ADGRL3: variants seen among roughly 807,000 people sequenced by gnomAD.
ADGRL3 encodes calcium-independent alpha-latrotoxin receptor 3.
A neutral mutation model predicts 153.5 loss-of-function variants in ADGRL3; 62 were observed. That is an observed-to-expected ratio of 0.40 (90% CI 0.33 to 0.50). The LOEUF (loss-of-function observed/expected upper bound fraction) is 0.50, where lower values mean the gene tolerates loss of function less well. ADGRL3 is among the 20% of genes least tolerant of loss of function. The pLI, the probability that ADGRL3 is intolerant of heterozygous loss-of-function variation, is 0.47. For synonymous variants in ADGRL3, 710 were observed against 672.5 expected (o/e 1.06, Z -0.86); for missense variants, 1,641 against 1,859.4 (o/e 0.88, Z 2.16).
intron 8 of ADGRL3, among the ~76,000 whole-genome samples, chr4:61,740,078 G>A (rs2096565146): frequency 6.6e-6 from 1 of 152,156 alleles, no homozygotes; most frequent in Non-Finnish European, 1.5e-5. Context: ...ATGATTTTAA[G>A]CATTAGCACT....
intron 1 of ADGRL3, among the ~76,000 whole-genome samples, chr4:61,248,699 T>C (rs1226741911): frequency 6.6e-6 from 1 of 152,150 alleles, no homozygotes; most frequent in Non-Finnish European, 1.5e-5. Context: ...ATCTAATCAA[T>C]TTCAAAGTGA....
intron 5 of ADGRL3, among the ~76,000 whole-genome samples, chr4:61,668,488 C>T (rs1295950153): frequency 3.3e-5 from 5 of 152,160 alleles, no homozygotes; most frequent in Admixed American, 3.3e-4. Flanking sequence ...CTAGGTTCCA[C>T]ACTATTCCTT....
At chr4:61,673,656 C>T (rs905665102) in intron 5 of ADGRL3, among the ~76,000 whole-genome samples, 2 of 151,060 alleles carry the variant, frequency 1.3e-5, no homozygotes, top group African/African-American at 4.8e-5. Context: ...AAAAAGAAAG[C>T]GAAGTAAAGG....
At chr4:61,891,444 C>T (rs1239452105) in intron 9 of ADGRL3, among the ~76,000 whole-genome samples, 2 of 152,130 alleles carry the variant, frequency 1.3e-5, no homozygotes, top group East Asian at 3.9e-4. Flanking sequence ...GCAAAAGACA[C>T]ATAATAGACA....
At chr4:61,792,514 C>T (rs78191105) in intron 8 of ADGRL3, among the ~76,000 whole-genome samples, 3 of 147,070 alleles carry the variant, frequency 2.0e-5, no homozygotes, top group East Asian at 2.0e-4. Flanking sequence ...TTTTTGAGAC[C>T]GAGTCTCACT....
rs924697738 is a variant in ADGRL3, at chr4:61,983,314, G to T, written c.3016-69G>T. 25 of 1,158,450 alleles carry T rather than the reference G, an allele frequency of 2.2e-5. No individual in the cohort carries two copies. In the East Asian group the frequency reaches 4.9e-4, roughly 23 times the overall value. The allele number at this position is 1,158,450 out of a possible 1,614,324, so 71.8% of individuals were successfully genotyped here. On this transcript the variant is annotated intron_variant, in intron 18 of 26. Coordinates refer to ENST00000683033, the MANE Select transcript of ADGRL3 (RefSeq NM_001387552.1). Reference sequence around the variant, plus strand: ...TGCAGTTTTGGTAAATATTTAATTTGGTTTTATGGCAGTTGACTAGTATCC... The same window carrying T: ...TGCAGTTTTGGTAAATATTTAATTTTGTTTTATGGCAGTTGACTAGTATCC...
chr4:62,028,176 C>G (rs527826889), intron 21 of ADGRL3, among the ~76,000 whole-genome samples: 1 of 151,890 alleles, frequency 6.6e-6, no homozygotes, highest in African/African-American at 2.4e-5. Flanking sequence ...CTTATCTTCA[C>G]TAATTGAGTA....
intron 8 of ADGRL3, among the ~76,000 whole-genome samples, chr4:61,764,432 CA>C: frequency 7.8e-6 from 1 of 127,804 alleles, no homozygotes. Context: ...GCAAGGTGCT[CA>C]GTGGGCAGGA....
chr4:61,574,056 C>G (rs796902799), intron 4 of ADGRL3, among the ~76,000 whole-genome samples: 1 of 152,016 alleles, frequency 6.6e-6, no homozygotes, highest in African/African-American at 2.4e-5. Context: ...CATTCTCAAA[C>G]CAAAAGGCCT....
chr4:61,717,119 T>A (rs1397440521), intron 6 of ADGRL3, among the ~76,000 whole-genome samples: 2 of 151,982 alleles, frequency 1.3e-5, no homozygotes, highest in East Asian at 3.9e-4. Context: ...AACCTAAAAC[T>A]TTACCTCCAC....
chr4:61,583,683 G>A (rs759783429), intron 4 of ADGRL3: 2 of 518,574 alleles, frequency 3.9e-6, no homozygotes, highest in Non-Finnish European at 7.7e-6. Context: ...CCTTCAGTCA[G>A]TCCTGTGGTC....
At chr4:61,935,768 A>G (rs1408091676) in intron 14 of ADGRL3, among the ~76,000 whole-genome samples, 155 bp from the exon 15 acceptor site, 3 of 152,184 alleles carry the variant, frequency 2.0e-5, no homozygotes, top group Admixed American at 6.5e-5. Context: ...TTGATAAAAT[A>G]CTAACAATAT....
intron 13 of ADGRL3, among the ~76,000 whole-genome samples, chr4:61,916,119 T>C (rs1458814951): frequency 6.6e-6 from 1 of 152,164 alleles, no homozygotes; most frequent in Non-Finnish European, 1.5e-5. Flanking sequence ...TAACTATCAG[T>C]TGTCAACTAT....
chr4:61,467,331 T>C (rs1230057480), intron 2 of ADGRL3, among the ~76,000 whole-genome samples: 1 of 152,160 alleles, frequency 6.6e-6, no homozygotes, highest in East Asian at 1.9e-4. Flanking sequence ...ATTCACGTTC[T>C]ATTCTTGGAA....
intron 17 of ADGRL3, among the ~76,000 whole-genome samples, chr4:61,970,473 G>A (rs1028767956): frequency 6.6e-6 from 1 of 151,946 alleles, no homozygotes; most frequent in African/African-American, 2.4e-5. Flanking sequence ...GTTTAGTTTG[G>A]CTTTTTTTTC....
chr4:61,380,334 A>G (rs1412655883), intron 1 of ADGRL3, among the ~76,000 whole-genome samples: 1 of 151,984 alleles, frequency 6.6e-6, no homozygotes, highest in Admixed American at 6.6e-5. Context: ...CATACCAACT[A>G]GAGCAGTGCC....
At position 61,381,229 on chromosome 4, in the gene ADGRL3, G is replaced by A. The variant is rs80211003; in HGVS notation, c.-239-1895G>A. ...AAGAAATTGAAAGACACATATAATA[G>A]TGTACTTTTGTTTTTGGTCTCAATT... On this transcript the variant is annotated intron_variant, in intron 1 of 26. Transcript: ENST00000683033. Among the ~76,000 whole-genome samples, 829 of 151,470 alleles carry A rather than the reference G, an allele frequency of 5.5e-3. 8 individuals carry two copies. Among genetic ancestry groups the A allele is most frequent in the African/African-American group, 0.018 (753 of 41,306 alleles).
intron 21 of ADGRL3, among the ~76,000 whole-genome samples, chr4:62,015,314 C>T (rs576825299): frequency 6.6e-6 from 1 of 152,230 alleles, no homozygotes; most frequent in Admixed American, 6.5e-5. Flanking sequence ...CTATGGAAGT[C>T]GATATTTTAA....
At chr4:61,410,172 C>G (rs992681099) in intron 2 of ADGRL3, among the ~76,000 whole-genome samples, 5 of 151,822 alleles carry the variant, frequency 3.3e-5, no homozygotes, top group African/African-American at 1.2e-4. Flanking sequence ...AAAAATGACT[C>G]TATTTGTAAA....
Sources: gnomAD v4.1 joint callset for allele counts (sites outside exome capture counted in the v4.1 genomes callset) on GRCh38, gnomAD v4.1.1 for gene constraint, MANE v1.5 for transcripts, NCBI Gene and HGNC (gene_info 2026-07-23, HGNC 2026-07-21) for gene names.